The following SPAG6 variants were observed in gnomAD, a reference collection of about 807,000 sequenced individuals.
SPAG6 encodes sperm associated antigen 6.
SPAG6 carries 49 observed loss-of-function variants against 58.5 expected under a neutral mutation model. The observed-to-expected ratio is 0.84, with a 90% CI of 0.67 to 1.06. The LOEUF is 1.06. Ranked by LOEUF, SPAG6 falls within the 50% of genes least tolerant of loss-of-function variation. The pLI, the probability that SPAG6 is intolerant of heterozygous loss-of-function variation, is 0.00. For synonymous variants in SPAG6, 233 were observed against 225.6 expected, an observed-to-expected ratio of 1.03 and a Z score of -0.29; for missense variants, 560 against 611.3, an observed-to-expected ratio of 0.92 and a Z score of 0.89.
At chr10:22,387,713 TC>T in intron 5 of SPAG6, 109 bp from the exon 6 acceptor site, 3 of 1,046,378 alleles carry the variant, frequency 2.9e-6, no homozygotes, top group Non-Finnish European at 3.9e-6. Context: ...TACATTTTTT[TC>T]CTTTTATAAA....
chr10:22,371,911 G>GT (rs942935237), intron 4 of SPAG6, among the ~76,000 whole-genome samples: 17 of 149,032 alleles, frequency 1.1e-4, no homozygotes, highest in South Asian at 2.1e-4. Flanking sequence ...AAATGGTGGG[G>GT]TTTTTTTTTT....
chr10:22,345,674 G>A lies in SPAG6; in HGVS notation c.25+38G>A, dbSNP rs747058002. ...CGGGCAGGTGCCCTAACTAGCTGGC[G>A]CCGAGGAGACCCGGGTGCGGTGGGC... On this transcript the variant is annotated intron_variant, in intron 1 of 10. Coordinates refer to ENST00000376624, the MANE Select transcript of SPAG6 (RefSeq NM_012443.4). This position sits in a 1 kb window ranked among gnomAD's most constrained non-coding sequence, Gnocchi z 6.3. The A allele has an allele frequency of 3.8e-6, 6 of 1,578,376 alleles. No homozygotes were observed. Among genetic ancestry groups the A allele is most frequent in the Non-Finnish European group, 4.3e-6 (5 of 1,163,140 alleles).
chr10:22,385,972 CATG>C (rs1834054960), intron 4 of SPAG6, among the ~76,000 whole-genome samples: 2 of 152,104 alleles, frequency 1.3e-5, no homozygotes, highest in African/African-American at 2.4e-5. Context: ...GCAGTTTTTT[CATG>C]ATATTATATG....
At chr10:22,383,414 T>C (rs1414971366) in intron 4 of SPAG6, among the ~76,000 whole-genome samples, 1 of 151,674 alleles carries the variant, frequency 6.6e-6, no homozygotes, top group Non-Finnish European at 1.5e-5. Flanking sequence ...CTGAGGTGGG[T>C]GGATCATGAG....
intron 4 of SPAG6, among the ~76,000 whole-genome samples, chr10:22,378,055 CTTTT>C (rs776198268): frequency 1.6e-5 from 2 of 123,002 alleles, no homozygotes; most frequent in East Asian, 2.3e-4. Context: ...CTTTTCTTTT[CTTTT>C]TTTTTTTTTT....
At chr10:22,366,317 A>T (rs1837200943) in intron 3 of SPAG6, among the ~76,000 whole-genome samples, 1 of 152,240 alleles carries the variant, frequency 6.6e-6, no homozygotes, top group Non-Finnish European at 1.5e-5. Context: ...AAAAGGCCAC[A>T]GATTGTATGG....
Position 22,378,356 on chromosome 10 carries a change from G to A in SPAG6, c.473-8398G>A, listed in dbSNP as rs756043793. 1.6e-3 allele frequency among the ~76,000 whole-genome samples: 240 copies of A among 151,220 alleles called. 2 individuals are homozygous for A. The highest frequency in any genetic ancestry group is 1.3e-3 in the Non-Finnish European group (88 of 67,888). ...TGGGATTACAGGCGTGAGCCAGTGC[G>A]TCTGGCCATGAGTACAGATTTCTTA... is the stretch of plus-strand genomic sequence containing the variant. On this transcript the variant is annotated intron_variant, in intron 4 of 10. Coordinates refer to ENST00000376624, the MANE Select transcript of SPAG6 (RefSeq NM_012443.4).
chr10:22,401,331 A>T (rs1834409520), intron 9 of SPAG6, 54 bp downstream of exon 9: 5 of 866,284 alleles, frequency 5.8e-6, no homozygotes, highest in South Asian at 1.6e-5. Flanking sequence ...ATTTGTTGTT[A>T]TTTTTTTTTT....
chr10:22,365,776 A>C (rs1397339096), intron 3 of SPAG6, among the ~76,000 whole-genome samples: 1 of 152,212 alleles, frequency 6.6e-6, no homozygotes, highest in African/African-American at 2.4e-5. Flanking sequence ...CATTTCTCCA[A>C]AGAATATATA....
At chr10:22,352,219 G>C (rs545168456) in intron 2 of SPAG6, among the ~76,000 whole-genome samples, 13 of 151,468 alleles carry the variant, frequency 8.6e-5, no homozygotes, top group African/African-American at 3.1e-4. Context: ...ATGTGTGTGT[G>C]TGTGTGTCTG....
intron 3 of SPAG6, among the ~76,000 whole-genome samples, chr10:22,365,673 A>G (rs768251716): frequency 4.6e-5 from 7 of 152,278 alleles, no homozygotes; most frequent in African/African-American, 7.2e-5. Flanking sequence ...TAACCTAGGG[A>G]TAGAGCTTTC....
At chr10:22,357,656 C>T (rs1836905437) in intron 2 of SPAG6, among the ~76,000 whole-genome samples, 1 of 151,694 alleles carries the variant, frequency 6.6e-6, no homozygotes, top group Non-Finnish European at 1.5e-5. Flanking sequence ...CATATGTATA[C>T]ATGTGCCGTG....
chr10:22,346,067 C>T (rs1482639724), intron 2 of SPAG6: 1 of 1,524,750 alleles, frequency 6.6e-7, no homozygotes, highest in Non-Finnish European at 8.8e-7. Flanking sequence ...GGTTGAAAGT[C>T]GAGGCCCTAG....
intron 8 of SPAG6, among the ~76,000 whole-genome samples, chr10:22,394,891 T>G (rs1468086916): frequency 6.6e-6 from 1 of 152,062 alleles, no homozygotes; most frequent in East Asian, 1.9e-4. Flanking sequence ...TTTCTTTTTT[T>G]GGAGAGACAG....
chr10:22,400,659 G>A (rs1834391061), intron 8 of SPAG6, among the ~76,000 whole-genome samples: 1 of 151,950 alleles, frequency 6.6e-6, no homozygotes, highest in African/African-American at 2.4e-5. Context: ...CAGCACCTCT[G>A]CAAATGCTCA....
At position 22,383,364 on chromosome 10, in the gene SPAG6, G is replaced by A. The variant is rs1834000896; in HGVS notation, c.473-3390G>A. ...GAGTAGAAAATACAGAAAAACCTGG[G>A]CGCAGTGGCTCACACCTGTAATCCC... On this transcript the variant is annotated intron_variant, in intron 4 of 10. Coordinates refer to ENST00000376624, the MANE Select transcript of SPAG6 (RefSeq NM_012443.4). Among the ~76,000 whole-genome samples, 4 of 152,244 alleles carry A rather than the reference G, an allele frequency of 2.6e-5. 1 individual carries two copies. In the South Asian group the frequency reaches 8.3e-4, roughly 32 times the overall value.
intron 9 of SPAG6, among the ~76,000 whole-genome samples, chr10:22,410,111 G>A (rs1028720145): frequency 6.6e-6 from 1 of 151,988 alleles, no homozygotes; most frequent in African/African-American, 2.4e-5. Flanking sequence ...GTTTTCATTG[G>A]TTGCTTTAAG....
intron 4 of SPAG6, among the ~76,000 whole-genome samples, chr10:22,376,030 A>G (rs1021120295): frequency 6.6e-6 from 1 of 152,172 alleles, no homozygotes; most frequent in Non-Finnish European, 1.5e-5. Flanking sequence ...TGCACACTTG[A>G]ACTGAGGCTA....
At position 22,368,670 on chromosome 10, in the gene SPAG6, A is replaced by C. The variant is rs780318944; in HGVS notation, c.464A>C (p.His155Pro). The C allele has an allele frequency of 9.9e-6, 16 of 1,608,980 alleles. No individual in the cohort carries two copies. In the South Asian group the frequency reaches 1.6e-4, roughly 16 times the overall value. Residue 155 changes from histidine to proline, a missense_variant, in exon 4 of 11, where the codon CAT (histidine) becomes CCT (proline). Transcript: ENST00000376624. Reference sequence around the variant, plus strand: ...TGGGCACTTAGATATATTGCAAGACATAATGCAGGTAATTTAAAATATGCA... The same window carrying C: ...TGGGCACTTAGATATATTGCAAGACCTAATGCAGGTAATTTAAAATATGCA... ...AAWALRYIAR[H>P]NAELSQAVVD...
Sources: allele counts gnomAD v4.1 joint callset (sites outside exome capture counted in the v4.1 genomes callset), GRCh38; gene constraint gnomAD v4.1.1; non-coding constraint Gnocchi (gnomAD v3.1); transcripts MANE v1.5; gene names NCBI Gene and HGNC (gene_info 2026-07-23, HGNC 2026-07-21).